The following CSMD1 variants were observed in gnomAD, a reference collection of about 807,000 sequenced individuals.
CSMD1 encodes CUB and sushi domain-containing protein 1.
Under a neutral mutation model 417.5 loss-of-function variants are expected in CSMD1, and 213 were observed. The ratio of observed to expected loss-of-function variants is 0.51; its 90% CI spans 0.46 to 0.57. CSMD1 has a LOEUF of 0.57. CSMD1 is among the 20% of genes least tolerant of loss of function. The probability of loss-of-function intolerance (pLI) is 0.00; values close to 1 mark genes in which losing one functional copy is unlikely to be tolerated. For synonymous variants in CSMD1, 2,862 were observed against 1,736.8 expected (o/e 1.65, Z -16.11); for missense variants, 6,923 against 4,529.7 (o/e 1.53, Z -15.17).
chr8:3,752,600 G>C (rs1203428529), intron 6 of CSMD1, among the ~76,000 whole-genome samples: 1 of 143,740 alleles, frequency 7.0e-6, no homozygotes, highest in Non-Finnish European at 1.5e-5. Context: ...GTTGCAGTGA[G>C]GCAAGACTGC....
intron 52 of CSMD1, among the ~76,000 whole-genome samples, chr8:3,013,743 T>C (rs1489855216): frequency 1.4e-5 from 2 of 141,582 alleles, no homozygotes; most frequent in African/African-American, 5.6e-5. Context: ...TGAGACTCCA[T>C]CTCAGAAAAA....
chr8:3,149,778 G>C (rs999947996), intron 40 of CSMD1, among the ~76,000 whole-genome samples: 11 of 152,168 alleles, frequency 7.2e-5, no homozygotes, highest in Non-Finnish European at 1.3e-4. Flanking sequence ...ATAACCTTAT[G>C]TGGGTATTTC....
intron 47 of CSMD1, among the ~76,000 whole-genome samples, chr8:3,094,194 C>T: frequency 6.6e-6 from 1 of 151,974 alleles, no homozygotes; most frequent in Admixed American, 6.5e-5. Flanking sequence ...CAACCTTTGC[C>T]TCCTGGGCTC....
At chr8:4,113,122 C>A (rs1400787988) in intron 3 of CSMD1, among the ~76,000 whole-genome samples, 1 of 152,034 alleles carries the variant, frequency 6.6e-6, no homozygotes, top group Non-Finnish European at 1.5e-5. Flanking sequence ...TCTTACTGTT[C>A]CACTCATCAG....
chr8:4,158,199 G>C (rs1004140187), intron 3 of CSMD1, among the ~76,000 whole-genome samples: 2 of 150,940 alleles, frequency 1.3e-5, no homozygotes, highest in Non-Finnish European at 2.9e-5. Flanking sequence ...CCTAAGCCCA[G>C]ACATACTTAT....
chr8:4,670,781 A>G (rs1805247387), intron 1 of CSMD1, among the ~76,000 whole-genome samples: 1 of 152,206 alleles, frequency 6.6e-6, no homozygotes, highest in African/African-American at 2.4e-5. Flanking sequence ...TAATATAAAG[A>G]AAAAAATAAT....
rs760229655 is a variant in CSMD1, at chr8:2,938,573, G to C, written c.*12C>G. On this transcript the variant is annotated 3_prime_UTR_variant, in exon 70 of 70. Transcript: ENST00000635120. ...GTATGGCTATGAATCAGTCCTGTTG[G>C]GGCACTGAGGGCTATACCACTGTAC... is the stretch of plus-strand genomic sequence containing the variant. The C allele has an allele frequency of 2.5e-6, 4 of 1,607,780 alleles. No individual in the cohort carries two copies. Among genetic ancestry groups the C allele is most frequent in the Non-Finnish European group, 2.5e-6 (3 of 1,176,882 alleles).
At chr8:4,140,908 C>T (rs1420744933) in intron 3 of CSMD1, among the ~76,000 whole-genome samples, 2 of 150,988 alleles carry the variant, frequency 1.3e-5, no homozygotes, top group Non-Finnish European at 2.9e-5. Flanking sequence ...TCAGTAGGGC[C>T]GACTTACTGC....
intron 3 of CSMD1, among the ~76,000 whole-genome samples, chr8:4,036,595 G>C (rs929246179): frequency 6.6e-6 from 1 of 152,114 alleles, no homozygotes; most frequent in Non-Finnish European, 1.5e-5. Flanking sequence ...TTTTAATAGG[G>C]AAAAATTAAG....
chr8:4,560,054 G>A lies in CSMD1; in HGVS notation c.302+77288C>T, dbSNP rs182894239. ...AGACAGCCTCCACCTGCCACCCTTG[G>A]GGTCCTCGACTGCATATCCACAGAG... On this transcript the variant is annotated intron_variant, in intron 2 of 69. Transcript: ENST00000635120. Among the ~76,000 whole-genome samples the A allele has an allele frequency of 3.3e-5, 5 of 152,296 alleles. No homozygotes were observed. In the East Asian group the frequency reaches 7.7e-4, roughly 24 times the overall value.
intron 2 of CSMD1, among the ~76,000 whole-genome samples, chr8:4,456,474 CAG>C (rs2129895314): frequency 6.6e-6 from 1 of 152,186 alleles, no homozygotes; most frequent in African/African-American, 2.4e-5. Context: ...CACCAACAGA[CAG>C]GGAATAGTCT....
chr8:3,297,170 C>T (rs1255227308), intron 25 of CSMD1, among the ~76,000 whole-genome samples: 1 of 152,088 alleles, frequency 6.6e-6, no homozygotes, highest in Admixed American at 6.6e-5. Context: ...TGAGACAAAT[C>T]ATACAAAAGC....
At chr8:4,546,331 A>G (rs1266111372) in intron 2 of CSMD1, among the ~76,000 whole-genome samples, 1 of 151,996 alleles carries the variant, frequency 6.6e-6, no homozygotes, top group East Asian at 1.9e-4. Context: ...TGTCAACTTC[A>G]CTGGGGTAAG....
intron 5 of CSMD1, among the ~76,000 whole-genome samples, chr8:3,949,683 G>A (rs909248304): frequency 6.6e-6 from 1 of 152,064 alleles, no homozygotes; most frequent in Admixed American, 6.6e-5. Flanking sequence ...GGAGGAGAAG[G>A]AGGAATATTA....
intron 55 of CSMD1, among the ~76,000 whole-genome samples, chr8:2,977,876 T>C (rs1435536985): frequency 6.6e-6 from 1 of 152,136 alleles, no homozygotes; most frequent in Non-Finnish European, 1.5e-5. Context: ...TACAATGAGA[T>C]ACCATCTCAT....
At chr8:3,446,829 A>G (rs1207616624) in intron 12 of CSMD1, among the ~76,000 whole-genome samples, 2 of 152,216 alleles carry the variant, frequency 1.3e-5, no homozygotes, top group East Asian at 3.8e-4. Context: ...TGCTCAAGTT[A>G]TTATTTTTGA....
At chr8:4,371,670 C>G (rs1334346037) in intron 3 of CSMD1, among the ~76,000 whole-genome samples, 2 of 152,122 alleles carry the variant, frequency 1.3e-5, no homozygotes, top group Admixed American at 6.6e-5. Flanking sequence ...GTTCTTATAT[C>G]TTAAAGTTAG....
intron 50 of CSMD1, among the ~76,000 whole-genome samples, chr8:3,035,254 C>T (rs115046301): frequency 0.025 from 3,875 of 152,240 alleles, 164 homozygotes; most frequent in African/African-American, 0.088. Flanking sequence ...CTCCCAGAGA[C>T]GCGCATCTGT....
At chr8:4,242,922 A>C (rs1303585402) in intron 3 of CSMD1, among the ~76,000 whole-genome samples, 1 of 152,232 alleles carries the variant, frequency 6.6e-6, no homozygotes, top group Non-Finnish European at 1.5e-5. Flanking sequence ...TTTCTGACCC[A>C]GAAAAAAAGA....
Sources: gnomAD v4.1 joint callset for allele counts (sites outside exome capture counted in the v4.1 genomes callset) on GRCh38, gnomAD v4.1.1 for gene constraint, MANE v1.5 for transcripts, NCBI Gene and HGNC (gene_info 2026-07-23, HGNC 2026-07-21) for gene names.